PPFIA3: variants seen among roughly 807,000 people sequenced by gnomAD.
PPFIA3 encodes the protein PPFI scaffold protein A3, also known as liprin-alpha-3.
PPFIA3 carries 26 observed loss-of-function variants against 145.8 expected under a neutral mutation model. The observed-to-expected ratio is 0.18, with a 90% confidence interval of 0.13 to 0.25. PPFIA3 has a LOEUF of 0.25. Among genes scored for constraint, PPFIA3 ranks in the 10% least tolerant of loss-of-function variants. The pLI, the probability that PPFIA3 is intolerant of heterozygous loss-of-function variation, is 1.00. For synonymous variants in PPFIA3, 645 were observed against 661.4 expected (o/e 0.98, Z 0.38); for missense variants, 1,008 against 1,587.8 (o/e 0.63, Z 6.21).
intron 22 of PPFIA3, 39 bp from the exon 23 acceptor site, chr19:49,146,127 A>T (rs896557643): frequency 1.9e-6 from 3 of 1,613,084 alleles, no homozygotes; most frequent in Non-Finnish European, 1.7e-6. Context: ...CTGCCCCTTA[A>T]CTCACCCCTT....
intron 21 of PPFIA3, among the ~76,000 whole-genome samples, chr19:49,143,606 C>T (rs1237940608): frequency 6.6e-6 from 1 of 152,196 alleles, no homozygotes; most frequent in Non-Finnish European, 1.5e-5. Flanking sequence ...CTCCCGACCT[C>T]AGGTGATCCG....
At chr19:49,147,694 G>GAA (rs773506949) in intron 23 of PPFIA3, among the ~76,000 whole-genome samples, 2 of 143,794 alleles carry the variant, frequency 1.4e-5, no homozygotes, top group Non-Finnish European at 3.0e-5. Flanking sequence ...GAAAGAGAGA[G>GAA]AGAGAGAGAG....
chr19:49,141,919 C>G (rs10417260), intron 19 of PPFIA3, 115 bp from the exon 20 acceptor site: 295,452 of 623,448 alleles, frequency 0.47, 72,766 homozygotes, highest in African/African-American at 0.67. Flanking sequence ...TTCATAAAAG[C>G]TGCGTGTGCG....
intron 1 of PPFIA3, among the ~76,000 whole-genome samples, chr19:49,126,057 T>A (rs1370659192): frequency 6.6e-6 from 1 of 152,086 alleles, no homozygotes; most frequent in Non-Finnish European, 1.5e-5. Context: ...TTCAAGCGAT[T>A]CTCCTGCCTC....
Position 49,149,631 on chromosome 19 carries a change from G to T in PPFIA3, c.3439G>T (p.Ala1147Ser), listed in dbSNP as rs183892712. 3.6e-4 allele frequency: 581 copies of T among 1,614,224 alleles called. 1 individual carries two copies. In the East Asian group the frequency reaches 0.011, roughly 31 times the overall value. ...KDLRGVTPDS[A>S]EMLPPNFRSA... is the part of the protein sequence containing the mutation. Reference sequence around the variant, plus strand: ...CCTCCGAGGCGTAACTCCCGACTCAGCTGAGATGTTGCCCCCCAACTTTCG... The same window carrying T: ...CCTCCGAGGCGTAACTCCCGACTCATCTGAGATGTTGCCCCCCAACTTTCG... The change falls in exon 28 of 30, where the codon GCT becomes TCT. Residue 1147 changes from alanine to serine, a missense_variant. Transcript: ENST00000334186. The surrounding 1 kb of genome is among the most constrained non-coding windows in gnomAD (Gnocchi z 5.7).
chr19:49,148,860 G>A, intron 25 of PPFIA3, 97 bp downstream of exon 25: 3 of 1,490,662 alleles, frequency 2.0e-6, no homozygotes, highest in Admixed American at 1.9e-5. Context: ...AAGCAAATTG[G>A]CACCATAACC....
intron 14 of PPFIA3, 83 bp from the exon 15 acceptor site, chr19:49,136,641 G>C: frequency 1.1e-6 from 1 of 945,244 alleles, no homozygotes; most frequent in Non-Finnish European, 1.4e-6. Context: ...GTGAGGTCGG[G>C]CAAGTCAGGA....
At position 49,130,135 on chromosome 19, in the gene PPFIA3, C is replaced by G. The variant is rs2041050958; in HGVS notation, c.657+68C>G. ...CCTGACTTTGTGATAGTGTTTGTAA[C>G]GTTTGGTATCATCCTCACTGGCCCT... is the stretch of plus-strand genomic sequence containing the variant. On this transcript the variant is annotated intron_variant, in intron 6 of 29. Coordinates refer to ENST00000334186, the MANE Select transcript of PPFIA3 (RefSeq NM_003660.4). This position sits in a 1 kb window ranked among gnomAD's most constrained non-coding sequence, Gnocchi z 4.5. The G allele has an allele frequency of 2.1e-5, 32 of 1,496,808 alleles. No homozygotes were observed. Among genetic ancestry groups the G allele is most frequent in the Non-Finnish European group, 2.8e-5 (31 of 1,093,128 alleles). The allele number at this position is 1,496,808 out of a possible 1,614,324, so 92.7% of individuals were successfully genotyped here. A position where few individuals can be genotyped will look rare whatever the true frequency, so the allele number is the denominator to read the frequency against.
chr19:49,146,045 CCTT>C (rs750179221), intron 22 of PPFIA3, 40 bp downstream of exon 22: 25 of 1,610,554 alleles, frequency 1.6e-5, no homozygotes, highest in Middle Eastern at 1.6e-4. Flanking sequence ...GTGGCACTAA[CCTT>C]CTTTGGGGGT....
Position 49,133,335 on chromosome 19 carries a change from G to T in PPFIA3, c.1125G>T (p.Glu375Asp). ...LQKAETLPEI[E>D]AQLAQRVAAL... is the part of the protein sequence containing the mutation. ...AAGCGGAGACCTTGCCCGAGATAGA[G>T]GCGCAGCTGGCGCAGCGCGTGGCGG... is the stretch of plus-strand genomic sequence containing the variant. Residue 375 changes from glutamate (E) to aspartate (D), a missense_variant, in exon 9 of 30, where the codon GAG becomes GAT. Coordinates refer to ENST00000334186, the MANE Select transcript of PPFIA3 (RefSeq NM_003660.4). The surrounding 1 kb of genome is among the most constrained non-coding windows in gnomAD (Gnocchi z 7.2). 6.2e-7 allele frequency: 1 copy of T among 1,608,140 alleles called. No individual in the cohort carries two copies. Among genetic ancestry groups the T allele is most frequent in the Non-Finnish European group, 8.5e-7 (1 of 1,177,828 alleles).
intron 1 of PPFIA3, among the ~76,000 whole-genome samples, chr19:49,123,595 C>T (rs1290964895): frequency 6.6e-6 from 1 of 151,984 alleles, no homozygotes; most frequent in Non-Finnish European, 1.5e-5. Flanking sequence ...GTGTGTACCA[C>T]CATGCCTGGC....
rs1047432904 is a variant in PPFIA3, at chr19:49,139,829, A to C, written c.2238A>C (p.Gly746=). The change falls in exon 17 of 30, where the codon GGA becomes GGC. Residue 746 remains glycine (G), a splice_region_variant and synonymous_variant. Coordinates refer to ENST00000334186, the MANE Select transcript of PPFIA3 (RefSeq NM_003660.4). Reference sequence around the variant, plus strand: ...TGGAAGATGGGGGACCCCCACGGGGAAGGTCAGCAGGGACAAGGGATAGGG... The same window carrying C: ...TGGAAGATGGGGGACCCCCACGGGGCAGGTCAGCAGGGACAAGGGATAGGG... ...GSLEDGGPPR[G]SEGTPDSLHK... The C allele has an allele frequency of 1.2e-6, 2 of 1,610,014 alleles. No individual in the cohort carries two copies. Among genetic ancestry groups the C allele is most frequent in the Non-Finnish European group, 1.7e-6 (2 of 1,177,428 alleles).
chr19:49,145,494 T>C (rs1037909381), intron 21 of PPFIA3, among the ~76,000 whole-genome samples: 1 of 152,202 alleles, frequency 6.6e-6, no homozygotes, highest in African/African-American at 2.4e-5. Flanking sequence ...GACTGGTGCC[T>C]GACACTCACC....
intron 7 of PPFIA3, among the ~76,000 whole-genome samples, chr19:49,132,390 CAAAAAAAAAAAAAA>C (rs11351172): frequency 3.7e-4 from 16 of 43,648 alleles, no homozygotes; most frequent in Non-Finnish European, 5.1e-4. Flanking sequence ...CTCTCTCTCT[CAAAAAAAAAAAAAA>C]AAAAAAAAAA....
chr19:49,146,844 C>A (rs1359105504), intron 23 of PPFIA3, among the ~76,000 whole-genome samples: 1 of 152,004 alleles, frequency 6.6e-6, no homozygotes, highest in Non-Finnish European at 1.5e-5. Context: ...GCAGGAGAAT[C>A]GCTTGAACCC....
intron 1 of PPFIA3, among the ~76,000 whole-genome samples, chr19:49,125,167 T>C (rs915415791): frequency 6.6e-6 from 1 of 152,194 alleles, no homozygotes; most frequent in Non-Finnish European, 1.5e-5. Context: ...GGGATTCGCC[T>C]GCCTAGATTC....
At chr19:49,119,989 C>T (rs73576267) in intron 1 of PPFIA3, among the ~76,000 whole-genome samples, 1,787 of 152,082 alleles carry the variant, frequency 0.012, 41 homozygotes, top group African/African-American at 0.04. Context: ...CGGGACCCCT[C>T]CTAGAGCCTA....
intron 13 of PPFIA3, 90 bp downstream of exon 13, chr19:49,135,005 CCTGAGACTT>C: frequency 8.9e-7 from 1 of 1,121,656 alleles, no homozygotes. Context: ...TTCCTGTCCT[CCTGAGACTT>C]CTGACCCCTC....
Position 49,134,819 on chromosome 19 carries a change from C to T in PPFIA3, c.1441-17C>T. ...CGGAGCAGATTCTAACCCGACACCT[C>T]CAACACCGGCCCCCAGGAGCAGCTC... On this transcript the variant is annotated splice_polypyrimidine_tract_variant and intron_variant, in intron 12 of 29. Transcript: ENST00000334186. 3.7e-6 allele frequency: 6 copies of T among 1,600,952 alleles called. No individual in the cohort carries two copies. Among genetic ancestry groups the T allele is most frequent in the Non-Finnish European group, 5.1e-6 (6 of 1,171,344 alleles).
Sources: gnomAD v4.1 joint callset for allele counts (sites outside exome capture counted in the v4.1 genomes callset) on GRCh38, gnomAD v4.1.1 for gene constraint, Gnocchi (gnomAD v3.1) non-coding constraint, MANE v1.5 for transcripts, NCBI Gene and HGNC (gene_info 2026-07-23, HGNC 2026-07-21) for gene names.